VPS13D: variants seen among roughly 807,000 people sequenced by gnomAD.
The protein encoded by VPS13D is vacuolar protein sorting 13 homolog D, also known as intermembrane lipid transfer protein VPS13D.
In VPS13D, 187 loss-of-function variants were observed where a neutral mutation model predicts 461.9. The observed-to-expected ratio is 0.40, with a 90% CI of 0.36 to 0.46. The LOEUF (loss-of-function observed/expected upper bound fraction) is 0.46, where lower values mean the gene tolerates loss of function less well. Ranked by LOEUF, VPS13D falls within the 20% of genes least tolerant of loss-of-function variation. VPS13D has a pLI of 0.60. For synonymous variants in VPS13D, 1,951 were observed against 1,986.3 expected (o/e 0.98, Z 0.47); for missense variants, 4,711 against 5,364.9 (o/e 0.88, Z 3.81).
chr1:12,230,328 C>T (rs1639920662), intron 1 of VPS13D, among the ~76,000 whole-genome samples: 1 of 152,130 alleles, frequency 6.6e-6, no homozygotes, highest in South Asian at 2.1e-4. Flanking sequence ...CCCCCCGGGC[C>T]CCAAGCCCGC....
intron 9 of VPS13D, among the ~76,000 whole-genome samples, chr1:12,257,307 T>C (rs1640953580): frequency 6.6e-6 from 1 of 152,226 alleles, no homozygotes. Flanking sequence ...CTGAGTGTAG[T>C]AAAATTCAGA....
intron 2 of VPS13D, among the ~76,000 whole-genome samples, chr1:12,241,101 T>C (rs1640340522): frequency 6.6e-6 from 1 of 151,956 alleles, no homozygotes; most frequent in Admixed American, 6.6e-5. Flanking sequence ...CTACCATGCC[T>C]GGCTAATTTT....
intron 38 of VPS13D, 91 bp from the exon 39 acceptor site, chr1:12,335,614 A>G (rs1156917631): frequency 1.3e-6 from 2 of 1,495,918 alleles, no homozygotes; most frequent in South Asian, 1.3e-5. Context: ...TGAGACACTC[A>G]ATAAAAGCTT....
chr1:12,463,487 C>A (rs1306299129), intron 67 of VPS13D, among the ~76,000 whole-genome samples: 2 of 152,112 alleles, frequency 1.3e-5, no homozygotes, highest in Non-Finnish European at 1.5e-5. Flanking sequence ...CATGGTGGCT[C>A]ACACCTGTAA....
intron 8 of VPS13D, 101 bp downstream of exon 8, chr1:12,256,604 T>A: frequency 7.5e-7 from 1 of 1,336,956 alleles, no homozygotes; most frequent in Non-Finnish European, 1.0e-6. Flanking sequence ...AAAGTTCATG[T>A]GAGACCATTT....
At chr1:12,240,806 A>G (rs993838777) in intron 2 of VPS13D, among the ~76,000 whole-genome samples, 2 of 90,512 alleles carry the variant, frequency 2.2e-5, no homozygotes, top group Non-Finnish European at 3.9e-5. Flanking sequence ...GTCGTAAGGT[A>G]TGGTGGTGGG....
intron 65 of VPS13D, among the ~76,000 whole-genome samples, chr1:12,435,017 A>G (rs1362026045): frequency 1.3e-5 from 2 of 152,236 alleles, no homozygotes; most frequent in Non-Finnish European, 2.9e-5. Flanking sequence ...AATAGTTACA[A>G]TGGAGTAGTT....
At position 12,268,752 on chromosome 1, in the gene VPS13D, T is replaced by C. The variant is rs762111495; in HGVS notation, c.1848T>C (p.Asn616=). 3 of 1,614,110 alleles carry C rather than the reference T, an allele frequency of 1.9e-6. No homozygotes were observed. The highest frequency in any genetic ancestry group is 2.5e-6 in the Non-Finnish European group (3 of 1,180,010). The change falls in exon 16 of 70, where the codon AAT becomes AAC. Residue 616 remains asparagine, a synonymous_variant. Coordinates refer to ENST00000620676, the MANE Select transcript of VPS13D (RefSeq NM_015378.4). The stretch of plus-strand genomic sequence containing the variant: ...TTTTTGAGATGCTGTATGAGAGAAA[T>C]CCGGCGCACAGCCACTTTGAGAGGC... The part of the protein sequence containing the change: ...GPVFEMLYER[N]PAHSHFERRL...
In VPS13D at chr1:12,319,532, T is replaced by G. The variant is rs1444235596; in HGVS notation, c.7450T>G (p.Phe2484Val). The change falls in exon 32 of 70, where the codon TTC (phenylalanine) becomes GTC (valine). Residue 2484 changes from phenylalanine to valine, a missense_variant. Physicochemically the swap from Phe to Val is conservative, Grantham distance 50 (BLOSUM62 -1). Coordinates refer to ENST00000620676, the MANE Select transcript of VPS13D (RefSeq NM_015378.4). Reference protein sequence around the residue: ...EFVVIEDVSCFDTNAIILKGT... With the variant: ...EFVVIEDVSCVDTNAIILKGT... ...TGTGGTCATTGAAGATGTGTCCTGC[T>G]TCGACACCAATGCCATTATTCTGAA... 1.2e-6 allele frequency: 2 copies of G among 1,614,192 alleles called. No homozygotes were observed. The highest frequency in any genetic ancestry group is 2.7e-5 in the African/African-American group (2 of 75,056).
chr1:12,487,798 G>A (rs1343024109), intron 67 of VPS13D, among the ~76,000 whole-genome samples: 3 of 152,066 alleles, frequency 2.0e-5, no homozygotes, highest in Non-Finnish European at 2.9e-5. Flanking sequence ...CATTGTCAGC[G>A]GTTGTACGTA....
Position 12,386,165 on chromosome 1 carries a change from A to C in VPS13D, c.11485-20A>C. 6.2e-7 allele frequency: 1 copy of C among 1,600,552 alleles called. No homozygotes were observed. Among genetic ancestry groups the C allele is most frequent in the Non-Finnish European group, 8.5e-7 (1 of 1,174,360 alleles). On this transcript the variant is annotated intron_variant, in intron 59 of 69. Transcript: ENST00000620676. Reference sequence around the variant, plus strand: ...CTGTGTTTAAAACAATCAGGGTGCCATATTTTGGTTTCCTTTCAGGTGCTT... The same window carrying C: ...CTGTGTTTAAAACAATCAGGGTGCCCTATTTTGGTTTCCTTTCAGGTGCTT...
At chr1:12,499,769 C>G (rs1396806047) in intron 68 of VPS13D, 1 of 985,246 alleles carries the variant, frequency 1.0e-6, no homozygotes, top group African/African-American at 1.7e-5. Flanking sequence ...AAGAAGCCAT[C>G]AGGGAGTGTG....
intron 49 of VPS13D, 108 bp from the exon 50 acceptor site, chr1:12,358,351 G>A (rs1404659633): frequency 1.4e-6 from 2 of 1,409,690 alleles, no homozygotes; most frequent in Non-Finnish European, 1.9e-6. Flanking sequence ...AGAGTCAGTG[G>A]TAGAGATGGA....
intron 65 of VPS13D, among the ~76,000 whole-genome samples, chr1:12,443,948 C>T (rs1230185857): frequency 3.3e-5 from 5 of 151,588 alleles, no homozygotes; most frequent in South Asian, 4.2e-4. Context: ...TGGATTCAAA[C>T]GATTTTCCCA....
At chr1:12,294,548 T>G (rs1482196274) in intron 24 of VPS13D, among the ~76,000 whole-genome samples, 3 of 152,158 alleles carry the variant, frequency 2.0e-5, no homozygotes, top group Admixed American at 2.0e-4. Context: ...GTGTGGTGGC[T>G]CACGCCTGTA....
At chr1:12,291,708 C>G (rs1166221603) in intron 23 of VPS13D, among the ~76,000 whole-genome samples, 2 of 152,180 alleles carry the variant, frequency 1.3e-5, no homozygotes, top group African/African-American at 4.8e-5. Flanking sequence ...GCTGGTTTTC[C>G]ACGAACTTGG....
At position 12,506,859 on chromosome 1, in the gene VPS13D, C is replaced by G; in HGVS notation, c.12801C>G (p.Ile4267Met). 3 of 1,614,028 alleles carry G rather than the reference C, an allele frequency of 1.9e-6. No individual in the cohort carries two copies. Among genetic ancestry groups the G allele is most frequent in the Non-Finnish European group, 2.5e-6 (3 of 1,179,866 alleles). ...LTDNIQDEFF[I>M]AVENIDSYCV... Reference sequence around the variant, plus strand: ...TTCCCGTCTCGCTTTGCAGCTTCATCGCTGTGGAGAACATTGACAGCTACT... The same window carrying G: ...TTCCCGTCTCGCTTTGCAGCTTCATGGCTGTGGAGAACATTGACAGCTACT... Residue 4267 changes from isoleucine (I) to methionine (M), a missense_variant, in exon 69 of 70, where the codon ATC (isoleucine) becomes ATG (methionine). Physicochemically the swap from Ile to Met is conservative, Grantham distance 10. Coordinates refer to ENST00000620676, the MANE Select transcript of VPS13D (RefSeq NM_015378.4).
rs1276951519 is a variant in VPS13D at position 12,279,464 on chromosome 1, G to T, written c.4451-35G>T. 1 of 1,571,184 alleles carries T rather than the reference G, an allele frequency of 6.4e-7. No individual in the cohort carries two copies. On this transcript the variant is annotated intron_variant, in intron 19 of 69. Coordinates refer to ENST00000620676, the MANE Select transcript of VPS13D (RefSeq NM_015378.4). The surrounding 1 kb of genome is among the most constrained non-coding windows in gnomAD (Gnocchi z 4.3). ...CAGCAGTAATGAAGTAAATATTAAGGTTTATGGTCTATCATTTCATCTCTT... is the reference window on the plus strand; with the variant it reads ...CAGCAGTAATGAAGTAAATATTAAGTTTTATGGTCTATCATTTCATCTCTT...
intron 2 of VPS13D, among the ~76,000 whole-genome samples, chr1:12,239,909 T>G (rs1640289341): frequency 6.6e-6 from 1 of 152,162 alleles, no homozygotes; most frequent in Non-Finnish European, 1.5e-5. Flanking sequence ...CATTGGGGTC[T>G]GTCTGGAGTG....
Sources: allele counts gnomAD v4.1 joint callset (sites outside exome capture counted in the v4.1 genomes callset), GRCh38; gene constraint gnomAD v4.1.1; non-coding constraint Gnocchi (gnomAD v3.1); transcripts MANE v1.5; gene names NCBI Gene and HGNC (gene_info 2026-07-23, HGNC 2026-07-21).